The following SPTSSA variants were observed in gnomAD, a reference collection of about 807,000 sequenced individuals.
The protein encoded by SPTSSA is small subunit of serine palmitoyltransferase A.
In SPTSSA, 8 loss-of-function variants were observed where a neutral mutation model predicts 9.1. The observed-to-expected ratio is 0.88, with a 90% CI of 0.51 to 1.58. SPTSSA has a LOEUF of 1.58. Among genes scored for constraint, SPTSSA ranks in the 40% most tolerant of loss-of-function variants. The pLI, the probability that SPTSSA is intolerant of heterozygous loss-of-function variation, is 0.00. For synonymous variants in SPTSSA, 42 were observed against 37.7 expected (o/e 1.11, Z -0.41); for missense variants, 100 against 93.8 (o/e 1.07, Z -0.27).
At position 34,435,040 on chromosome 14, in the gene SPTSSA, CAT is replaced by C. The variant is rs1883216550; in HGVS notation, c.*159_*160del. ...AAAATTAAAAATAAAGAACACAACACATGAGTCAGGATGATTTTCCTGTTCTA... is the reference window on the plus strand; with the variant it reads ...AAAATTAAAAATAAAGAACACAACACGAGTCAGGATGATTTTCCTGTTCTA... On this transcript the variant is annotated 3_prime_UTR_variant, in exon 2 of 2. Transcript: ENST00000298130. 2 of 499,282 alleles carry C rather than the reference CAT, an allele frequency of 4.0e-6. No individual in the cohort carries two copies. The highest frequency in any genetic ancestry group is 7.2e-6 in the Non-Finnish European group (2 of 277,064). 30.9% of individuals were successfully genotyped at this position (499,282 alleles called of 1,614,324 possible).
At chr14:34,457,988 AAACAAAG>A (rs1878520392) in intron 1 of SPTSSA, among the ~76,000 whole-genome samples, 6 of 148,590 alleles carry the variant, frequency 4.0e-5, no homozygotes, top group Non-Finnish European at 5.9e-5. Context: ...AAAAAAAAAA[AAACAAAG>A]AAAAGAAAAG....
intron 1 of SPTSSA, among the ~76,000 whole-genome samples, chr14:34,456,838 G>A (rs1215566153): frequency 6.6e-6 from 1 of 150,484 alleles, no homozygotes; most frequent in African/African-American, 2.4e-5. Context: ...GGCAGAGGTT[G>A]CAGCGAGCCA....
chr14:34,462,210 G>A lies in SPTSSA; in HGVS notation c.-3C>T, dbSNP rs755361760. On this transcript the variant is annotated 5_prime_UTR_variant, in exon 1 of 2. Coordinates refer to ENST00000298130, the MANE Select transcript of SPTSSA (RefSeq NM_138288.4). ...CGCGCCAGCGCCATCCCCGCCATGC[G>A]CCTCCCGCGATGCAGCTCACACGTC... 3.9e-6 allele frequency: 6 copies of A among 1,525,018 alleles called. No homozygotes were observed. Among genetic ancestry groups the A allele is most frequent in the African/African-American group, 1.4e-5 (1 of 69,138 alleles). 94.5% of individuals were successfully genotyped at this position (1,525,018 alleles called of 1,614,324 possible).
intron 1 of SPTSSA, among the ~76,000 whole-genome samples, chr14:34,452,166 A>G (rs1883539102): frequency 6.6e-6 from 1 of 151,054 alleles, no homozygotes; most frequent in Admixed American, 6.6e-5. Context: ...TGAGAATTTG[A>G]ACCCGGGAGG....
chr14:34,453,164 C>T (rs540721644), intron 1 of SPTSSA, among the ~76,000 whole-genome samples: 1 of 152,146 alleles, frequency 6.6e-6, no homozygotes, highest in Middle Eastern at 3.2e-3. Flanking sequence ...TCTGGGGAGT[C>T]AAAAGTTGTA....
chr14:34,454,017 T>C (rs1471599325), intron 1 of SPTSSA, among the ~76,000 whole-genome samples: 1 of 152,110 alleles, frequency 6.6e-6, no homozygotes, highest in Non-Finnish European at 1.5e-5. Flanking sequence ...CTGTCTCTAC[T>C]AAAAATTTAA....
chr14:34,457,638 CAA>C (rs1156917391), intron 1 of SPTSSA, among the ~76,000 whole-genome samples: 2 of 152,066 alleles, frequency 1.3e-5, no homozygotes, highest in Non-Finnish European at 2.9e-5. Context: ...CTTGACAAAC[CAA>C]AAGCCAATGT....
intron 1 of SPTSSA, among the ~76,000 whole-genome samples, chr14:34,440,806 G>A (rs1026301900): frequency 5.9e-5 from 9 of 151,966 alleles, no homozygotes; most frequent in African/African-American, 7.2e-5. Context: ...GCTTGAACCC[G>A]GGAGGCGGAG....
intron 1 of SPTSSA, among the ~76,000 whole-genome samples, chr14:34,456,966 T>C (rs1481916699): frequency 6.8e-6 from 1 of 148,118 alleles, no homozygotes; most frequent in Admixed American, 6.8e-5. Context: ...TTATTATTAT[T>C]ATTATTACTA....
At chr14:34,446,205 C>T (rs1390359026) in intron 1 of SPTSSA, among the ~76,000 whole-genome samples, 1 of 152,200 alleles carries the variant, frequency 6.6e-6, no homozygotes, top group Non-Finnish European at 1.5e-5. Context: ...GCTTTGGGTT[C>T]ATGGTCTCAC....
chr14:34,444,479 C>T (rs1226892041), intron 1 of SPTSSA, among the ~76,000 whole-genome samples: 6 of 152,142 alleles, frequency 3.9e-5, no homozygotes, highest in East Asian at 1.9e-4. Flanking sequence ...TCAGGCCAGG[C>T]GCGGTGGCTC....
At chr14:34,443,654 G>GC (rs1413946438) in intron 1 of SPTSSA, among the ~76,000 whole-genome samples, 1 of 151,836 alleles carries the variant, frequency 6.6e-6, no homozygotes, top group African/African-American at 2.4e-5. Flanking sequence ...TCCTGCTTCA[G>GC]CCCCCCAAGT....
intron 1 of SPTSSA, among the ~76,000 whole-genome samples, chr14:34,446,309 T>A (rs2138824897): frequency 6.6e-6 from 1 of 152,310 alleles, no homozygotes; most frequent in South Asian, 2.1e-4. Flanking sequence ...GAAGATAGCA[T>A]CCTTGATGTG....
rs1173049486 is a variant in SPTSSA, at chr14:34,433,031, AAAGTGAAAATG to A, written c.*2159_*2169del. On this transcript the variant is annotated 3_prime_UTR_variant, in exon 2 of 2. Coordinates refer to ENST00000298130, the MANE Select transcript of SPTSSA (RefSeq NM_138288.4). ...CTTGTAAATACCTTATTTTTAACAA[AAAGTGAAAATG>A]ATTTCCCTGTTATTTACTAACAAAT... is the stretch of plus-strand genomic sequence containing the variant. The A allele has an allele frequency of 6.6e-6, 1 of 152,202 alleles. No homozygotes were observed. Among genetic ancestry groups the A allele is most frequent in the Non-Finnish European group, 1.5e-5 (1 of 68,046 alleles). 9.4% of individuals were successfully genotyped at this position (152,202 alleles called of 1,614,324 possible). A position where few individuals can be genotyped will look rare whatever the true frequency, so the allele number is the denominator to read the frequency against.
intron 1 of SPTSSA, among the ~76,000 whole-genome samples, chr14:34,451,282 A>G (rs1166645344): frequency 2.6e-5 from 4 of 152,190 alleles, no homozygotes; most frequent in Admixed American, 2.0e-4. Context: ...GGTATGACTT[A>G]TACATCTTCA....
chr14:34,435,555 G>A (rs1326129256), intron 1 of SPTSSA, among the ~76,000 whole-genome samples: 1 of 149,272 alleles, frequency 6.7e-6, no homozygotes, highest in South Asian at 2.1e-4. Flanking sequence ...TATAAAGTAA[G>A]TACTGTTATT....
At chr14:34,449,565 C>T (rs922371254) in intron 1 of SPTSSA, among the ~76,000 whole-genome samples, 2 of 143,204 alleles carry the variant, frequency 1.4e-5, no homozygotes, top group African/African-American at 2.6e-5. Context: ...TGCAATGGCA[C>T]GATCTTGGCT....
In SPTSSA at chr14:34,440,680, G is replaced by A. The variant is rs1425712765; in HGVS notation, c.113-5376C>T. Among the ~76,000 whole-genome samples, 6 of 152,050 alleles carry A rather than the reference G, an allele frequency of 3.9e-5. No homozygotes were observed. In the South Asian group the frequency reaches 6.2e-4, roughly 16 times the overall value. On this transcript the variant is annotated intron_variant, in intron 1 of 1. Transcript: ENST00000298130. ...GTGGATCACCTGAGGTCGGGAGATCGAGACCAGCCTGGCCAACATGGTGAA... is the reference window on the plus strand; with the variant it reads ...GTGGATCACCTGAGGTCGGGAGATCAAGACCAGCCTGGCCAACATGGTGAA...
At chr14:34,443,728 G>C (rs1386342974) in intron 1 of SPTSSA, among the ~76,000 whole-genome samples, 3 of 152,032 alleles carry the variant, frequency 2.0e-5, no homozygotes, top group Non-Finnish European at 4.4e-5. Flanking sequence ...TAGAGATGGG[G>C]TTTCACCATG....
Sources: allele counts gnomAD v4.1 joint callset (sites outside exome capture counted in the v4.1 genomes callset), GRCh38; gene constraint gnomAD v4.1.1; transcripts MANE v1.5; gene names NCBI Gene and HGNC (gene_info 2026-07-23, HGNC 2026-07-21).